BTBD3: variants seen among roughly 807,000 people sequenced by gnomAD.
BTBD3 encodes BTB domain containing 3, also known as BTB/POZ domain-containing protein 3.
BTBD3 carries 14 observed loss-of-function variants against 41.6 expected under a neutral mutation model. The observed-to-expected ratio is 0.34, with a 90% CI of 0.22 to 0.53. The LOEUF (loss-of-function observed/expected upper bound fraction) is 0.53. Among genes scored for constraint, BTBD3 ranks in the 20% least tolerant of loss-of-function variants. The pLI, the probability that BTBD3 is intolerant of heterozygous loss-of-function variation, is 0.95. For missense variants in BTBD3, 426 were observed against 654.7 expected (o/e 0.65, Z 3.81); for synonymous variants, 249 against 233.7 (o/e 1.07, Z -0.60).
intron 1 of BTBD3, among the ~76,000 whole-genome samples, chr20:11,892,178 A>G (rs1445511270): frequency 6.6e-6 from 1 of 152,200 alleles, no homozygotes; most frequent in Non-Finnish European, 1.5e-5. Flanking sequence ...TAACGGTTCA[A>G]ACTTTGTGAA....
intron 1 of BTBD3, among the ~76,000 whole-genome samples, chr20:11,898,578 G>A (rs1488718743): frequency 1.3e-5 from 2 of 152,156 alleles, no homozygotes; most frequent in Non-Finnish European, 2.9e-5. Context: ...CCTTGAGGTC[G>A]AGTATGTTTA....
intron 1 of BTBD3, among the ~76,000 whole-genome samples, chr20:11,908,356 G>T: frequency 1.0e-5 from 1 of 97,010 alleles, no homozygotes; most frequent in Admixed American, 1.4e-4. Flanking sequence ...GGTACTGACA[G>T]TTGAGTTGCC....
At chr20:11,909,048 G>T (rs946116445) in intron 1 of BTBD3, among the ~76,000 whole-genome samples, 1 of 152,006 alleles carries the variant, frequency 6.6e-6, no homozygotes, top group Non-Finnish European at 1.5e-5. Flanking sequence ...AGGAGTTCGG[G>T]TGGATCACAT....
At chr20:11,914,940 C>A (rs1208613359), upstream of BTBD3, among the ~76,000 whole-genome samples, 1 of 152,088 alleles carries the variant, frequency 6.6e-6, no homozygotes, top group African/African-American at 2.4e-5. Context: ...GAAAAACATT[C>A]ATTCTGGGTG....
chr20:11,919,753 G>C lies in BTBD3; in HGVS notation c.453G>C (p.Ala151=), dbSNP rs375919920. The change falls in exon 3 of 4, where the codon GCG becomes GCC. Residue 151 remains alanine, a synonymous_variant. Coordinates refer to ENST00000378226, the MANE Select transcript of BTBD3 (RefSeq NM_014962.4). ...CTGTTGGGAGCTCTGTGTTCCATGC[G>C]ATGTTTTACGGAGAACTTGCAGAGG... ...VLAVGSSVFH[A]MFYGELAEDK... is the part of the protein sequence containing the mutation. 1.2e-6 allele frequency: 2 copies of C among 1,614,030 alleles called. No homozygotes were observed. Among genetic ancestry groups the C allele is most frequent in the Admixed American group, 1.7e-5 (1 of 59,998 alleles).
intron 1 of BTBD3, among the ~76,000 whole-genome samples, chr20:11,903,671 A>G (rs904462231): frequency 3.3e-5 from 5 of 151,878 alleles, no homozygotes; most frequent in African/African-American, 4.8e-5. Flanking sequence ...CAGTGGCATG[A>G]TCTCGGCTCA....
chr20:11,923,429 A>T lies in BTBD3; in HGVS notation c.1332A>T (p.Ser444=), dbSNP rs748419980. The part of the protein sequence containing the change: ...VLGQNLSKYF[S]DGSSNTFPVW... Reference sequence around the variant, plus strand: ...GGCAGAACTTGAGCAAGTACTTCTCAGATGGGTCCAGCAATACCTTTCCCG... The same window carrying T: ...GGCAGAACTTGAGCAAGTACTTCTCTGATGGGTCCAGCAATACCTTTCCCG... Residue 444 remains serine (S), a synonymous_variant, in exon 4 of 4, where the codon TCA becomes TCT. Coordinates refer to ENST00000378226, the MANE Select transcript of BTBD3 (RefSeq NM_014962.4). The surrounding 1 kb of genome is among the most constrained non-coding windows in gnomAD (Gnocchi z 5.3). The T allele has an allele frequency of 3.7e-6, 6 of 1,614,096 alleles. No homozygotes were observed. The highest frequency in any genetic ancestry group is 3.4e-6 in the Non-Finnish European group (4 of 1,180,036).
At chr20:11,894,073 C>T (rs879906653) in intron 1 of BTBD3, among the ~76,000 whole-genome samples, 4 of 152,316 alleles carry the variant, frequency 2.6e-5, no homozygotes, top group Non-Finnish European at 5.9e-5. Context: ...CTAGCACGGC[C>T]ACTTCCTAAG....
chr20:11,923,814 TA>T lies in BTBD3; in HGVS notation c.*150del. Reference sequence around the variant, plus strand: ...CAGGTTCTAATTTCTTTTAACCTTTTAATTATGTACAGGCAAAAATGCAGCA... The same window carrying T: ...CAGGTTCTAATTTCTTTTAACCTTTTATTATGTACAGGCAAAAATGCAGCA... On this transcript the variant is annotated 3_prime_UTR_variant, in exon 4 of 4. Coordinates refer to ENST00000378226, the MANE Select transcript of BTBD3 (RefSeq NM_014962.4). The surrounding 1 kb of genome is among the most constrained non-coding windows in gnomAD (Gnocchi z 5.3). 1 of 774,460 alleles carries T rather than the reference TA, an allele frequency of 1.3e-6. No individual in the cohort carries two copies. The highest frequency in any genetic ancestry group is 2.0e-6 in the Non-Finnish European group (1 of 497,728). 48.0% of individuals were successfully genotyped at this position (774,460 alleles called of 1,614,324 possible).
intron 3 of BTBD3, among the ~76,000 whole-genome samples, chr20:11,920,141 G>A (rs1163887724): frequency 6.6e-6 from 1 of 152,174 alleles, no homozygotes; most frequent in African/African-American, 2.4e-5. Context: ...TTATTTAATA[G>A]AAGATGTTCT....
chr20:11,891,298 G>C (rs1284800662), intron 1 of BTBD3: 4 of 151,572 alleles, frequency 2.6e-5, no homozygotes. Flanking sequence ...CCGCCTGGCC[G>C]TGCGGACGCC....
chr20:11,895,884 G>A (rs1046240440), intron 1 of BTBD3, among the ~76,000 whole-genome samples: 2 of 152,136 alleles, frequency 1.3e-5, no homozygotes, highest in African/African-American at 4.8e-5. Flanking sequence ...TCTCAAGTTG[G>A]CTGAGACAGT....
chr20:11,901,527 T>C, intron 1 of BTBD3, among the ~76,000 whole-genome samples: 1 of 152,246 alleles, frequency 6.6e-6, no homozygotes, highest in East Asian at 1.9e-4. Flanking sequence ...TAATAAATGC[T>C]GTGTAATTTA....
chr20:11,897,560 G>T lies in BTBD3; in HGVS notation c.-126+6606G>T, dbSNP rs537976005. 4.0e-5 allele frequency among the ~76,000 whole-genome samples: 6 copies of T among 148,696 alleles called. No homozygotes were observed. The East Asian group carries it at 1.2e-3, about 30-fold the overall frequency. On this transcript the variant is annotated intron_variant, in intron 1 of 4. Transcript: ENST00000254977. Reference sequence around the variant, plus strand: ...TCTTTCTCTCCAACTCTGTTTCCAGGTTGTCAGCAAATCCTGCTGTTCTGT... The same window carrying T: ...TCTTTCTCTCCAACTCTGTTTCCAGTTTGTCAGCAAATCCTGCTGTTCTGT...
Position 11,918,133 on chromosome 20 carries a change from A to G in BTBD3, c.-143A>G. 1.4e-6 allele frequency: 2 copies of G among 1,478,962 alleles called. No homozygotes were observed. Among genetic ancestry groups the G allele is most frequent in the Non-Finnish European group, 1.8e-6 (2 of 1,126,682 alleles). The allele number at this position is 1,478,962 out of a possible 1,614,324, so 91.6% of individuals were successfully genotyped here. ...GCCAGTTTCTATTCAACATAGTGAA[A>G]AGGTCACCTTGCCTGGCTGAGAAAA... is the stretch of plus-strand genomic sequence containing the variant. On this transcript the variant is annotated 5_prime_UTR_variant, in exon 1 of 4. Transcript: ENST00000378226.
rs182539488 is a variant in BTBD3, at chr20:11,924,394, G to C, written c.*728G>C. 40 of 152,234 alleles carry C rather than the reference G, an allele frequency of 2.6e-4. No homozygotes were observed. The highest frequency in any genetic ancestry group is 7.7e-4 in the African/African-American group (32 of 41,536). 9.4% of individuals were successfully genotyped at this position (152,234 alleles called of 1,614,324 possible). ...TACTTCTTTTAGAAGTAAATTTTTA[G>C]ATTTTATTGTCAGTAGAAAAAAGTT... On this transcript the variant is annotated 3_prime_UTR_variant, in exon 4 of 4. Transcript: ENST00000378226.
rs774418009 is a variant in BTBD3 at position 11,923,005 on chromosome 20, C to T, written c.908C>T (p.Ala303Val). The change falls in exon 4 of 4, where the codon GCG becomes GTG. Residue 303 changes from alanine to valine, a missense_variant. Physicochemically the swap from Ala to Val is moderately conservative, Grantham distance 64. Coordinates refer to ENST00000378226, the MANE Select transcript of BTBD3 (RefSeq NM_014962.4). The surrounding 1 kb of genome is among the most constrained non-coding windows in gnomAD (Gnocchi z 5.3). ...AEVECQRQDL[A>V]LSIENKRKVL... ...GTAGAATGCCAACGACAAGATCTGG[C>T]GTTGAGCATTGAAAATAAACGCAAG... 22 of 1,614,074 alleles carry T rather than the reference C, an allele frequency of 1.4e-5. No homozygotes were observed. The East Asian group carries it at 3.3e-4, about 25-fold the overall frequency.
In BTBD3 at chr20:11,922,614, A is replaced by G. The variant is rs181451510; in HGVS notation, c.537-20A>G. 1,012 of 1,580,344 alleles carry G rather than the reference A, an allele frequency of 6.4e-4. 8 individuals are homozygous for G. The highest frequency in any genetic ancestry group is 6.2e-5 in the Non-Finnish European group (72 of 1,160,848). On this transcript the variant is annotated intron_variant, in intron 3 of 3. Coordinates refer to ENST00000378226, the MANE Select transcript of BTBD3 (RefSeq NM_014962.4). ...CTCATTTTGTGAAAATTCCACTTAC[A>G]TGTTATGTGCTTTTTACAGATATAT...
chr20:11,922,571 C>G (rs967908555), intron 3 of BTBD3, 63 bp from the exon 4 acceptor site: 18 of 1,464,966 alleles, frequency 1.2e-5, no homozygotes, highest in Non-Finnish European at 1.6e-5. Context: ...GTGGTTGTAT[C>G]TTTTCTTGCT....
Sources: gnomAD v4.1 joint callset for allele counts (sites outside exome capture counted in the v4.1 genomes callset) on GRCh38, gnomAD v4.1.1 for gene constraint, Gnocchi (gnomAD v3.1) non-coding constraint, MANE v1.5 for transcripts, NCBI Gene and HGNC (gene_info 2026-07-23, HGNC 2026-07-21) for gene names.